Variants in RXFP1 observed in about 807,000 individuals in gnomAD.
The protein encoded by RXFP1 is relaxin receptor 1.
Under a neutral mutation model 89.8 loss-of-function variants are expected in RXFP1, and 73 were observed. The observed-to-expected ratio is 0.81, with a 90% CI of 0.67 to 0.99. RXFP1 has a LOEUF of 0.99. RXFP1 is among the 50% of genes least tolerant of loss of function. The pLI, the probability that RXFP1 is intolerant of heterozygous loss-of-function variation, is 0.00. For synonymous variants in RXFP1, 277 were observed against 305.5 expected (o/e 0.91, Z 0.97); for missense variants, 793 against 895.5 (o/e 0.89, Z 1.46).
intron 10 of RXFP1, among the ~76,000 whole-genome samples, chr4:158,627,842 C>A (rs879689367): frequency 1.3e-5 from 2 of 152,058 alleles, no homozygotes; most frequent in Non-Finnish European, 2.9e-5. Flanking sequence ...GGACACAGAA[C>A]AAATAGATAT....
chr4:158,543,354 T>A lies in RXFP1; in HGVS notation c.49+21329T>A, dbSNP rs551624245. 2.0e-5 allele frequency among the ~76,000 whole-genome samples: 3 copies of A among 152,344 alleles called. No homozygotes were observed. The South Asian group carries it at 6.2e-4, about 32-fold the overall frequency. ...GGAAGAGTGATGTAAAGCTGGATTT[T>A]CCTCCAGTTACCAGGAAAGCAATGG... On this transcript the variant is annotated intron_variant, in intron 1 of 17. Transcript: ENST00000307765.
At chr4:158,523,678 C>T (rs1328374227) in intron 1 of RXFP1, among the ~76,000 whole-genome samples, 2 of 152,120 alleles carry the variant, frequency 1.3e-5, no homozygotes, top group Non-Finnish European at 2.9e-5. Context: ...GGCAATTCCT[C>T]GCTACATGGT....
intron 11 of RXFP1, among the ~76,000 whole-genome samples, chr4:158,632,985 C>T (rs1262483063): frequency 6.6e-6 from 1 of 152,142 alleles, no homozygotes; most frequent in Non-Finnish European, 1.5e-5. Context: ...ACCTGGCCAA[C>T]ATAGTGAAAC....
At chr4:158,557,270 A>G (rs1751511296) in intron 1 of RXFP1, among the ~76,000 whole-genome samples, 1 of 152,172 alleles carries the variant, frequency 6.6e-6, no homozygotes, top group Non-Finnish European at 1.5e-5. Context: ...TGGGATTTAA[A>G]TGTTTAAGCA....
chr4:158,619,383 G>C lies in RXFP1; in HGVS notation c.755+2178G>C, dbSNP rs538348605. Among the ~76,000 whole-genome samples, 6 of 152,292 alleles carry C rather than the reference G, an allele frequency of 3.9e-5. No homozygotes were observed. The South Asian group carries it at 1.2e-3, about 32-fold the overall frequency. On this transcript the variant is annotated intron_variant, in intron 9 of 17. Transcript: ENST00000307765. ...AGCCAAATAAATGGAATTCTAACAA[G>C]CAACAAGAAGATGTGGGACATACAT...
At chr4:158,585,114 G>A (rs893984678) in intron 2 of RXFP1, among the ~76,000 whole-genome samples, 3 of 152,156 alleles carry the variant, frequency 2.0e-5, no homozygotes, top group African/African-American at 4.8e-5. Flanking sequence ...TGATCTAGAC[G>A]ATCTAGACAG....
At chr4:158,548,789 T>C (rs1004313424) in intron 1 of RXFP1, among the ~76,000 whole-genome samples, 1 of 152,224 alleles carries the variant, frequency 6.6e-6, no homozygotes, top group African/African-American at 2.4e-5. Context: ...CCCACTCTCT[T>C]CTGGCTTGTA....
chr4:158,593,382 T>A lies in RXFP1; in HGVS notation c.188-19T>A. 1 of 1,535,490 alleles carries A rather than the reference T, an allele frequency of 6.5e-7. No homozygotes were observed. Among genetic ancestry groups the A allele is most frequent in the Non-Finnish European group, 9.0e-7 (1 of 1,112,080 alleles). On this transcript the variant is annotated intron_variant, in intron 2 of 17. Transcript: ENST00000307765. Reference sequence around the variant, plus strand: ...ATCTCTGTTCCTTGAACTTTTTTGTTCTCTGATTTTTATTTTAGGAGACAA... The same window carrying A: ...ATCTCTGTTCCTTGAACTTTTTTGTACTCTGATTTTTATTTTAGGAGACAA...
chr4:158,569,158 T>G (rs1438853925), intron 1 of RXFP1, among the ~76,000 whole-genome samples: 1 of 152,210 alleles, frequency 6.6e-6, no homozygotes, highest in African/African-American at 2.4e-5. Flanking sequence ...AACCAAGATG[T>G]CTTTCAGTAA....
At chr4:158,628,254 A>C (rs1767304366) in intron 10 of RXFP1, among the ~76,000 whole-genome samples, 2 of 152,130 alleles carry the variant, frequency 1.3e-5, no homozygotes, top group Non-Finnish European at 2.9e-5. Context: ...GTAACAAATG[A>C]GTAGGAGTGC....
chr4:158,593,042 C>T (rs1363306961), intron 2 of RXFP1, among the ~76,000 whole-genome samples: 1 of 150,272 alleles, frequency 6.7e-6, no homozygotes, highest in Non-Finnish European at 1.5e-5. Flanking sequence ...GAGCTGAGAT[C>T]GTGCCACAGC....
At chr4:158,639,143 G>A (rs1769846539) in intron 13 of RXFP1, 117 bp from the exon 14 acceptor site, 1 of 597,090 alleles carries the variant, frequency 1.7e-6, no homozygotes, top group South Asian at 2.2e-5. Context: ...TAATTATTTT[G>A]TTCAGAGTAA....
chr4:158,647,419 T>C (rs909634063), intron 16 of RXFP1, among the ~76,000 whole-genome samples: 1 of 152,196 alleles, frequency 6.6e-6, no homozygotes, highest in African/African-American at 2.4e-5. Flanking sequence ...GCAACATATG[T>C]TTTGGCTCTT....
intron 1 of RXFP1, among the ~76,000 whole-genome samples, chr4:158,537,917 A>C (rs778063308): frequency 3.9e-5 from 6 of 152,294 alleles, no homozygotes; most frequent in Admixed American, 6.5e-5. Context: ...TTCCTGAGGG[A>C]GGGATACTTA....
chr4:158,619,106 C>T (rs954576815), intron 9 of RXFP1, among the ~76,000 whole-genome samples: 4 of 152,026 alleles, frequency 2.6e-5, no homozygotes, highest in Non-Finnish European at 5.9e-5. Flanking sequence ...CACACACACA[C>T]GCATACACAC....
Position 158,546,427 on chromosome 4 carries a change from T to C in RXFP1, c.49+24402T>C, listed in dbSNP as rs904629627. ...ACAATTTGACTTCCTCTTTTCCTAA[T>C]TGAATGCCCTTTATTTCCTTCTCCT... On this transcript the variant is annotated intron_variant, in intron 1 of 17. Transcript: ENST00000307765. 4.6e-5 allele frequency among the ~76,000 whole-genome samples: 7 copies of C among 152,194 alleles called. No homozygotes were observed. The East Asian group carries it at 9.6e-4, about 21-fold the overall frequency.
At chr4:158,525,219 C>CGG (rs61683066) in intron 1 of RXFP1, among the ~76,000 whole-genome samples, 1,875 of 137,924 alleles carry the variant, frequency 0.014, 20 homozygotes, top group South Asian at 0.029. Flanking sequence ...TATACTTTGG[C>CGG]GGGGGGGGGT....
At chr4:158,597,592 A>C (rs980973332) in intron 3 of RXFP1, among the ~76,000 whole-genome samples, 3 of 152,140 alleles carry the variant, frequency 2.0e-5, no homozygotes, top group Non-Finnish European at 2.9e-5. Context: ...TAAGTGACAT[A>C]ATTTCCTTAA....
At chr4:158,557,288 A>C (rs1200700947) in intron 1 of RXFP1, among the ~76,000 whole-genome samples, 2 of 152,172 alleles carry the variant, frequency 1.3e-5, no homozygotes, top group East Asian at 3.8e-4. Flanking sequence ...GCATGTTTCC[A>C]AGTTGCTCTC....
Sources: gnomAD v4.1 joint callset for allele counts (sites outside exome capture counted in the v4.1 genomes callset) on GRCh38, gnomAD v4.1.1 for gene constraint, MANE v1.5 for transcripts, NCBI Gene and HGNC (gene_info 2026-07-23, HGNC 2026-07-21) for gene names.